DMD: variants seen among roughly 807,000 people sequenced by gnomAD.
DMD encodes mutant dystrophin.
Under a neutral mutation model 330.1 loss-of-function variants are expected in DMD, and 63 were observed. The observed-to-expected ratio is 0.19, with a 90% confidence interval of 0.16 to 0.24. The LOEUF is 0.24. Among genes scored for constraint, DMD ranks in the 10% least tolerant of loss-of-function variants. The pLI is 1.00. For missense variants in DMD, 3,344 were observed against 2,684.1 expected, an observed-to-expected ratio of 1.25 and a Z score of -5.43; for synonymous variants, 1,223 against 959.8, an observed-to-expected ratio of 1.27 and a Z score of -5.07.
At chrX:31,446,306 T>C (rs186537656) in intron 59 of DMD, among the ~76,000 whole-genome samples, 80 of 112,289 alleles carry the variant, frequency 7.1e-4, no homozygotes, top group Non-Finnish European at 1.3e-3. Context: ...GGGTTTCTTT[T>C]GGACGATAAC....
chrX:32,823,410 A>G, intron 4 of DMD, 23 bp from the exon 5 acceptor site: 1 of 1,086,060 alleles, frequency 9.2e-7, no homozygotes, highest in Non-Finnish European at 1.3e-6. Context: ...GGGGTAAAAC[A>G]TTTGAAGGTA....
At chrX:32,705,222 A>C (rs768658295) in intron 7 of DMD, among the ~76,000 whole-genome samples, 1 of 111,811 alleles carries the variant, frequency 8.9e-6, no homozygotes, top group East Asian at 2.8e-4. Context: ...TAGCTAAATT[A>C]AGTACTCCTT....
At chrX:32,838,490 T>C (rs2079855466) in intron 4 of DMD, among the ~76,000 whole-genome samples, 1 of 110,813 alleles carries the variant, frequency 9.0e-6, no homozygotes, top group African/African-American at 3.3e-5. Context: ...AGTCAGAACA[T>C]GCGGTGTTTG....
At position 31,774,111 on chromosome X, in the gene DMD, G is replaced by A; in HGVS notation, c.7391C>T (p.Ser2464Phe). Residue 2464 changes from serine to phenylalanine, a missense_variant, in exon 51 of 79, where the codon TCC (serine) becomes TTC (phenylalanine). Coordinates refer to ENST00000357033, the MANE Select transcript of DMD (RefSeq NM_004006.3). Reference protein sequence around the residue: ...TAISKLEMPSSLMLEVPALAD... With the variant: ...TAISKLEMPSFLMLEVPALAD... ...CAGAGCAGGTACCTCCAACATCAAGGAAGATGGCATTTCTAGTTTGGAGAT... is the reference window on the plus strand; with the variant it reads ...CAGAGCAGGTACCTCCAACATCAAGAAAGATGGCATTTCTAGTTTGGAGAT... The A allele has an allele frequency of 1.7e-5, 20 of 1,210,921 alleles. No homozygotes were observed. Among genetic ancestry groups the A allele is most frequent in the Non-Finnish European group, 2.1e-5 (19 of 895,097 alleles).
At chrX:32,409,548 G>C (rs2147908918) in intron 30 of DMD, among the ~76,000 whole-genome samples, 1 of 111,377 alleles carries the variant, frequency 9.0e-6, no homozygotes, top group South Asian at 3.7e-4. Flanking sequence ...TTCAACTAAA[G>C]ATGCTTCGCC....
At chrX:32,322,463 T>C (rs912817370) in intron 41 of DMD, among the ~76,000 whole-genome samples, 7 of 110,985 alleles carry the variant, frequency 6.3e-5, no homozygotes, top group Admixed American at 9.7e-5. Context: ...CTAAAGAGGC[T>C]GAGGCAATAG....
intron 2 of DMD, among the ~76,000 whole-genome samples, chrX:33,012,858 G>A (rs1215279613): frequency 1.8e-5 from 2 of 111,081 alleles, no homozygotes; most frequent in African/African-American, 6.5e-5. Context: ...TGGGTTTATA[G>A]GGACCTAACC....
intron 52 of DMD, among the ~76,000 whole-genome samples, chrX:31,706,796 A>G (rs777183148): frequency 1.8e-5 from 2 of 112,508 alleles, no homozygotes; most frequent in Admixed American, 9.5e-5. Flanking sequence ...TTGTGCTGTG[A>G]AGCAGTAGAA....
At chrX:31,873,709 G>A (rs1450127750) in intron 48 of DMD, among the ~76,000 whole-genome samples, 1 of 111,749 alleles carries the variant, frequency 8.9e-6, no homozygotes, top group African/African-American at 3.3e-5. Context: ...GCAAAACGGG[G>A]CAGCATATTG....
chrX:32,972,094 G>A (rs1489520662), intron 2 of DMD, among the ~76,000 whole-genome samples: 1 of 111,718 alleles, frequency 9.0e-6, no homozygotes, highest in Admixed American at 9.5e-5. Flanking sequence ...TCCGCACTTA[G>A]CAAAAATTAC....
chrX:32,660,992 G>T (rs556376495), intron 9 of DMD, among the ~76,000 whole-genome samples: 1 of 110,953 alleles, frequency 9.0e-6, no homozygotes, highest in Admixed American at 9.6e-5. Context: ...TAAGAGAGAG[G>T]CCTGACATTA....
chrX:32,674,765 T>C (rs2061858679), intron 9 of DMD, among the ~76,000 whole-genome samples: 1 of 111,302 alleles, frequency 9.0e-6, no homozygotes, highest in South Asian at 3.8e-4. Context: ...GAAGCCGGTC[T>C]GTATGAGTTC....
chrX:32,734,497 C>T (rs370835224), intron 7 of DMD, among the ~76,000 whole-genome samples: 9 of 107,391 alleles, frequency 8.4e-5, no homozygotes, highest in Non-Finnish European at 1.3e-4. Context: ...TTGATGAACA[C>T]TGATGCAAAA....
chrX:31,388,474 G>A (rs1017740057), intron 60 of DMD, among the ~76,000 whole-genome samples: 1 of 111,620 alleles, frequency 9.0e-6, no homozygotes, highest in Non-Finnish European at 1.9e-5. Flanking sequence ...AAGTCTTCAG[G>A]GTTTCTTAGG....
At chrX:32,477,907 A>C (rs1172301585) in intron 21 of DMD, among the ~76,000 whole-genome samples, 1 of 111,750 alleles carries the variant, frequency 8.9e-6, no homozygotes, top group Non-Finnish European at 1.9e-5. Context: ...TGTTTTGTAT[A>C]TATAAAGACA....
At chrX:33,095,367 G>A (rs148302336) in intron 1 of DMD, among the ~76,000 whole-genome samples, 1,589 of 112,167 alleles carry the variant, frequency 0.014, 34 homozygotes, top group African/African-American at 0.047. Flanking sequence ...CCTTTTATGG[G>A]AATGTAATTT....
intron 55 of DMD, among the ~76,000 whole-genome samples, chrX:31,599,046 T>C (rs886889716): frequency 8.9e-6 from 1 of 111,947 alleles, no homozygotes; most frequent in African/African-American, 3.2e-5. Flanking sequence ...TATAGAAAGA[T>C]TTTCTGGAGT....
chrX:33,201,129 C>T (rs781252428), intron 1 of DMD, among the ~76,000 whole-genome samples: 2 of 109,914 alleles, frequency 1.8e-5, no homozygotes, highest in East Asian at 5.8e-4. Context: ...TGTGGTTTCA[C>T]CATGTTGGCC....
intron 7 of DMD, among the ~76,000 whole-genome samples, chrX:32,780,722 G>A (rs1305607576): frequency 9.0e-6 from 1 of 110,577 alleles, no homozygotes; most frequent in Non-Finnish European, 1.9e-5. Context: ...TATCTGATCA[G>A]AACTTTAAAA....
Sources: gnomAD v4.1 joint callset for allele counts (sites outside exome capture counted in the v4.1 genomes callset) on GRCh38, gnomAD v4.1.1 for gene constraint, MANE v1.5 for transcripts, NCBI Gene and HGNC (gene_info 2026-07-23, HGNC 2026-07-21) for gene names.